Variants in BMPR1B observed in about 807,000 individuals in gnomAD.
BMPR1B encodes bone morphogenetic protein receptor type-1B.
In BMPR1B, 12 loss-of-function variants were observed where a neutral mutation model predicts 59.1. That is an observed-to-expected ratio of 0.20 (90% CI 0.13 to 0.33). The LOEUF (loss-of-function observed/expected upper bound fraction) is 0.33, where lower values mean the gene tolerates loss of function less well. BMPR1B is among the 10% of genes least tolerant of loss of function. The pLI is 1.00. For synonymous variants in BMPR1B, 237 were observed against 207.3 expected (o/e 1.14, Z -1.23); for missense variants, 550 against 610.9 (o/e 0.90, Z 1.05).
At chr4:94,838,215 A>ATT (rs1234259045) in intron 1 of BMPR1B, among the ~76,000 whole-genome samples, 1 of 81,998 alleles carries the variant, frequency 1.2e-5, no homozygotes, top group Admixed American at 1.0e-4. Context: ...TTGGTCTAAT[A>ATT]TTCTCTTTTT....
chr4:94,766,184 T>G (rs1270798861), intron 1 of BMPR1B, among the ~76,000 whole-genome samples: 1 of 152,178 alleles, frequency 6.6e-6, no homozygotes, highest in Non-Finnish European at 1.5e-5. Flanking sequence ...TGCATTAATA[T>G]TGACAGTCCC....
chr4:94,885,320 A>G lies in BMPR1B; in HGVS notation c.-113+9420A>G, dbSNP rs376802680. 1.9e-4 allele frequency among the ~76,000 whole-genome samples: 29 copies of G among 152,326 alleles called. No homozygotes were observed. The South Asian group carries it at 4.3e-3, about 23-fold the overall frequency. On this transcript the variant is annotated intron_variant, in intron 2 of 12. Coordinates refer to ENST00000515059, the MANE Select transcript of BMPR1B (RefSeq NM_001203.3). The stretch of plus-strand genomic sequence containing the variant: ...GTCACTGAGAAGATGACTAAGTAAA[A>G]AGGAGCAAGTTGAAGATGTTGCTTC...
At chr4:95,067,978 C>T (rs1467226731) in intron 3 of BMPR1B, among the ~76,000 whole-genome samples, 2 of 152,080 alleles carry the variant, frequency 1.3e-5, no homozygotes, top group African/African-American at 2.4e-5. Context: ...AAACAAGTTC[C>T]ACATAGAGGG....
At chr4:94,892,719 A>G (rs1460996832) in intron 2 of BMPR1B, among the ~76,000 whole-genome samples, 1 of 152,082 alleles carries the variant, frequency 6.6e-6, no homozygotes, top group East Asian at 1.9e-4. Flanking sequence ...AATATCCCAG[A>G]TCATTTTCTC....
chr4:95,141,433 T>C (rs994757977), intron 10 of BMPR1B, among the ~76,000 whole-genome samples: 2 of 152,236 alleles, frequency 1.3e-5, no homozygotes, highest in African/African-American at 2.4e-5. Context: ...CAGTCATTTC[T>C]GAAAGGCTCC....
chr4:94,895,580 T>A (rs1281345277), intron 2 of BMPR1B, among the ~76,000 whole-genome samples: 1 of 151,858 alleles, frequency 6.6e-6, no homozygotes, highest in Non-Finnish European at 1.5e-5. Context: ...TTTTGGTATG[T>A]TAGAGGCAAT....
chr4:94,804,702 A>G (rs1560493229), intron 1 of BMPR1B, among the ~76,000 whole-genome samples: 1 of 151,484 alleles, frequency 6.6e-6, no homozygotes, highest in Non-Finnish European at 1.5e-5. Flanking sequence ...TGAACTGAAC[A>G]CCAGGTAAAA....
chr4:95,064,144 T>C (rs1360864522), intron 3 of BMPR1B, among the ~76,000 whole-genome samples: 4 of 152,124 alleles, frequency 2.6e-5, no homozygotes, highest in South Asian at 4.1e-4. Context: ...GTCATAGATA[T>C]GACACCAAAA....
chr4:95,061,617 A>T (rs771778753), intron 3 of BMPR1B, among the ~76,000 whole-genome samples: 2 of 152,220 alleles, frequency 1.3e-5, no homozygotes, highest in Non-Finnish European at 2.9e-5. Flanking sequence ...GAAGAAAATG[A>T]AGCAGAAAGT....
At chr4:94,821,682 T>C (rs958339788) in intron 1 of BMPR1B, among the ~76,000 whole-genome samples, 1 of 152,190 alleles carries the variant, frequency 6.6e-6, no homozygotes, top group Non-Finnish European at 1.5e-5. Context: ...ACTGGAGATA[T>C]GGGAGCGAAT....
At chr4:94,770,547 C>T (rs528350937) in intron 1 of BMPR1B, among the ~76,000 whole-genome samples, 3 of 152,044 alleles carry the variant, frequency 2.0e-5, no homozygotes, top group South Asian at 4.2e-4. Context: ...TGTAGGTTAG[C>T]CCACTGACTT....
intron 1 of BMPR1B, among the ~76,000 whole-genome samples, chr4:94,839,438 G>A (rs1205734482): frequency 6.8e-6 from 1 of 147,240 alleles, no homozygotes; most frequent in Admixed American, 6.7e-5. Context: ...ATGAATCTGG[G>A]TGCTCCTGTA....
intron 10 of BMPR1B, among the ~76,000 whole-genome samples, chr4:95,145,262 G>A: frequency 6.6e-6 from 1 of 152,116 alleles, no homozygotes; most frequent in Admixed American, 6.5e-5. Context: ...GACTTCATAT[G>A]TATGTAGCTA....
At chr4:94,776,741 T>C (rs2110580123) in intron 1 of BMPR1B, among the ~76,000 whole-genome samples, 1 of 152,274 alleles carries the variant, frequency 6.6e-6, no homozygotes, top group South Asian at 2.1e-4. Context: ...AGTTACTACA[T>C]TGCTATGTCT....
chr4:94,939,760 A>G (rs1729440813), intron 2 of BMPR1B, among the ~76,000 whole-genome samples: 1 of 152,120 alleles, frequency 6.6e-6, no homozygotes, highest in African/African-American at 2.4e-5. Context: ...ATATTTTCCA[A>G]TTTTTATGAT....
chr4:95,143,447 GTC>G (rs537689501), intron 10 of BMPR1B, among the ~76,000 whole-genome samples: 1 of 151,444 alleles, frequency 6.6e-6, no homozygotes, highest in African/African-American at 2.4e-5. Context: ...TAATTTTCTT[GTC>G]TCTCTCTCTC....
chr4:94,763,346 C>T lies in BMPR1B; in HGVS notation c.-183+5278C>T, dbSNP rs563376683. ...GGGATGTTACACATCATTGTACTCC[C>T]GCCCCTTGCAAAGTGCTAGGACATA... On this transcript the variant is annotated intron_variant, in intron 1 of 12. Transcript: ENST00000515059. 1.5e-3 allele frequency among the ~76,000 whole-genome samples: 224 copies of T among 152,266 alleles called. 1 individual carries two copies. Among genetic ancestry groups the T allele is most frequent in the African/African-American group, 5.0e-3 (208 of 41,540 alleles).
At chr4:94,840,394 T>G (rs1211490453) in intron 1 of BMPR1B, among the ~76,000 whole-genome samples, 1 of 148,406 alleles carries the variant, frequency 6.7e-6, no homozygotes, top group African/African-American at 2.5e-5. Context: ...CACTTTCAGG[T>G]ACACCAATCA....
chr4:94,986,996 G>A (rs928844751), intron 2 of BMPR1B, among the ~76,000 whole-genome samples: 17 of 148,344 alleles, frequency 1.1e-4, no homozygotes, highest in African/African-American at 3.5e-4. Flanking sequence ...AGCCGAGATC[G>A]CGCCACTGCA....
Sources: allele counts gnomAD v4.1 joint callset (sites outside exome capture counted in the v4.1 genomes callset), GRCh38; gene constraint gnomAD v4.1.1; transcripts MANE v1.5; gene names NCBI Gene and HGNC (gene_info 2026-07-23, HGNC 2026-07-21).